OR5K1: variants seen among roughly 807,000 people sequenced by gnomAD.
OR5K1 encodes olfactory receptor family 5 subfamily K member 1.
Under a neutral mutation model 10.4 loss-of-function variants are expected in OR5K1, and 7 were observed. The observed-to-expected ratio is 0.67, with a 90% CI of 0.38 to 1.26. The LOEUF (loss-of-function observed/expected upper bound fraction) is 1.26. Among genes scored for constraint, OR5K1 ranks in the 50% most tolerant of loss-of-function variants. The pLI is 0.02. For missense variants in OR5K1, 435 were observed against 366.2 expected (o/e 1.19, Z -1.53); for synonymous variants, 135 against 128.5 (o/e 1.05, Z -0.34).
At position 98,470,635 on chromosome 3, in the gene OR5K1, C is replaced by T; in HGVS notation, c.*132C>T. The T allele has an allele frequency of 3.7e-6, 2 of 546,392 alleles. No individual in the cohort carries two copies. The highest frequency in any genetic ancestry group is 5.9e-5 in the South Asian group (2 of 34,110). The allele number at this position is 546,392 out of a possible 1,614,324, so 33.8% of individuals were successfully genotyped here. A position where few individuals can be genotyped will look rare whatever the true frequency, so the allele number is the denominator to read the frequency against. On this transcript the variant is annotated 3_prime_UTR_variant, in exon 2 of 2. Transcript: ENST00000642057. ...AAATTTTAATATATAAGAATACATT[C>T]AAATTAAGTGGCAAGAGGTAAGGGT...
At chr3:98,463,661 G>A (rs533029520) in intron 1 of OR5K1, among the ~76,000 whole-genome samples, 3 of 152,228 alleles carry the variant, frequency 2.0e-5, no homozygotes, top group African/African-American at 7.2e-5. Context: ...CAATGAAATA[G>A]AGTTTAAAAT....
chr3:98,465,981 C>T (rs1271428142), intron 1 of OR5K1, among the ~76,000 whole-genome samples: 2 of 151,626 alleles, frequency 1.3e-5, no homozygotes, highest in Non-Finnish European at 2.9e-5. Context: ...ATGTGCCATG[C>T]TGGTGCGCTG....
At chr3:98,463,841 A>G (rs868032034) in intron 1 of OR5K1, among the ~76,000 whole-genome samples, 20 of 152,218 alleles carry the variant, frequency 1.3e-4, no homozygotes, top group Non-Finnish European at 8.8e-5. Flanking sequence ...CCAATGGACA[A>G]CTGGGTGAAC....
chr3:98,469,555 T>C lies in OR5K1; in HGVS notation c.-11-11T>C. 12 of 1,585,422 alleles carry C rather than the reference T, an allele frequency of 7.6e-6. No individual in the cohort carries two copies. The highest frequency in any genetic ancestry group is 9.4e-6 in the Non-Finnish European group (11 of 1,164,324). ...AAATTAGTGCCTTCTTTCTCCACAA[T>C]TTTTTTTCAGACAAGTCAGGAATGG... On this transcript the variant is annotated splice_polypyrimidine_tract_variant and intron_variant, in intron 1 of 1. Coordinates refer to ENST00000642057, the MANE Select transcript of OR5K1 (RefSeq NM_001004736.4).
rs1705441183 is a variant in OR5K1, at chr3:98,471,065, G to A, written c.*562G>A. 1 of 152,108 alleles carries A rather than the reference G, an allele frequency of 6.6e-6. No homozygotes were observed. The allele number at this position is 152,108 out of a possible 1,614,324, so 9.4% of individuals were successfully genotyped here. A position where few individuals can be genotyped will look rare whatever the true frequency, so the allele number is the denominator to read the frequency against. On this transcript the variant is annotated 3_prime_UTR_variant, in exon 2 of 2. Coordinates refer to ENST00000642057, the MANE Select transcript of OR5K1 (RefSeq NM_001004736.4). ...GAAAGGAAGTATTAGGAAAACGAAG[G>A]TGTCAAATAATAGTGAATATCAGAT... is the stretch of plus-strand genomic sequence containing the variant.
In OR5K1 at chr3:98,465,910, T is replaced by A. The variant is rs1391919154; in HGVS notation, c.-12+2603T>A. Among the ~76,000 whole-genome samples the A allele has an allele frequency of 6.6e-5, 10 of 151,970 alleles. 1 individual carries two copies. Among genetic ancestry groups the A allele is most frequent in the East Asian group, 3.9e-4 (2 of 5,182 alleles). ...TTGTCTTTTTTTTTTAATTTTTTTT[T>A]ATTATACTTTAAGTTTTAGGGTACA... On this transcript the variant is annotated intron_variant, in intron 1 of 1. Coordinates refer to ENST00000642057, the MANE Select transcript of OR5K1 (RefSeq NM_001004736.4).
rs552450821 is a variant in OR5K1, at chr3:98,470,097, T to G, written c.521T>G (p.Ile174Ser). The G allele has an allele frequency of 6.8e-6, 11 of 1,613,562 alleles. No homozygotes were observed. The highest frequency in any genetic ancestry group is 9.3e-6 in the Non-Finnish European group (11 of 1,179,718). The change falls in exon 2 of 2, where the codon ATC becomes AGC. Residue 174 changes from isoleucine (I) to serine (S), a missense_variant. Physicochemically the swap from Ile to Ser is moderately radical, Grantham distance 142. Transcript: ENST00000642057. Reference protein sequence around the residue: ...FRLVFCGSNHINHFYCDILPL... With the variant: ...FRLVFCGSNHSNHFYCDILPL... Reference sequence around the variant, plus strand: ...TTAGTTTTCTGTGGATCGAATCACATCAACCACTTTTACTGTGATATTCTT... The same window carrying G: ...TTAGTTTTCTGTGGATCGAATCACAGCAACCACTTTTACTGTGATATTCTT...
In OR5K1 at chr3:98,472,246, C is replaced by CTG. The variant is rs1705458201; in HGVS notation, c.*1744_*1745insGT. 6.6e-6 allele frequency: 1 copy of CTG among 151,674 alleles called. No homozygotes were observed. Among genetic ancestry groups the CTG allele is most frequent in the South Asian group, 2.1e-4 (1 of 4,810 alleles). 9.4% of individuals were successfully genotyped at this position (151,674 alleles called of 1,614,324 possible). A position where few individuals can be genotyped will look rare whatever the true frequency, so the allele number is the denominator to read the frequency against. ...GGCTTTGGGTTGGCTGGCTCTCTCT[C>CTG]TCTTACTCTTCATCTGCTAATTTCT... On this transcript the variant is annotated 3_prime_UTR_variant, in exon 2 of 2. Transcript: ENST00000642057.
intron 1 of OR5K1, among the ~76,000 whole-genome samples, chr3:98,464,942 A>T (rs1017126648): frequency 6.6e-6 from 1 of 152,152 alleles, no homozygotes; most frequent in African/African-American, 2.4e-5. Context: ...TGCAGAAAAC[A>T]TTAGTTAAAT....
rs1705464058 is a variant in OR5K1 at position 98,472,679 on chromosome 3, T to TG, written c.*2176_*2177insG. On this transcript the variant is annotated 3_prime_UTR_variant, in exon 2 of 2. Coordinates refer to ENST00000642057, the MANE Select transcript of OR5K1 (RefSeq NM_001004736.4). ...TAGTCTATTCTCTCTGTCTGGAATA[T>TG]CAAAGGTATGCTCAGAAATAAAAAA... is the stretch of plus-strand genomic sequence containing the variant. 1 of 151,960 alleles carries TG rather than the reference T, an allele frequency of 6.6e-6. No individual in the cohort carries two copies. The highest frequency in any genetic ancestry group is 1.5e-5 in the Non-Finnish European group (1 of 67,952). 9.4% of individuals were successfully genotyped at this position (151,960 alleles called of 1,614,324 possible).
Position 98,470,614 on chromosome 3 carries a change from T to G in OR5K1, c.*111T>G, listed in dbSNP as rs1705436775. ...GAAATGCATAAATTATAAGTAAAAT[T>G]TTAATATATAAGAATACATTCAAAT... On this transcript the variant is annotated 3_prime_UTR_variant, in exon 2 of 2. Coordinates refer to ENST00000642057, the MANE Select transcript of OR5K1 (RefSeq NM_001004736.4). 1 of 615,086 alleles carries G rather than the reference T, an allele frequency of 1.6e-6. No homozygotes were observed. 38.1% of individuals were successfully genotyped at this position (615,086 alleles called of 1,614,324 possible). A position where few individuals can be genotyped will look rare whatever the true frequency, so the allele number is the denominator to read the frequency against.
intron 1 of OR5K1, among the ~76,000 whole-genome samples, chr3:98,464,346 G>A (rs1034328315): frequency 7.9e-5 from 12 of 152,278 alleles, no homozygotes; most frequent in Non-Finnish European, 1.8e-4. Context: ...AAACCAAAAA[G>A]GAGAGATCTT....
Position 98,470,546 on chromosome 3 carries a change from T to C in OR5K1, c.*43T>C. On this transcript the variant is annotated 3_prime_UTR_variant, in exon 2 of 2. Coordinates refer to ENST00000642057, the MANE Select transcript of OR5K1 (RefSeq NM_001004736.4). ...ACAAGTGACATCTACTATAGCTTAA[T>C]GATTTAAATGCAGCAAAAACTTCCA... is the stretch of plus-strand genomic sequence containing the variant. 1.7e-6 allele frequency: 2 copies of C among 1,191,572 alleles called. No individual in the cohort carries two copies. The highest frequency in any genetic ancestry group is 2.4e-6 in the Non-Finnish European group (2 of 841,336). The allele number at this position is 1,191,572 out of a possible 1,614,324, so 73.8% of individuals were successfully genotyped here.
At position 98,471,256 on chromosome 3, in the gene OR5K1, C is replaced by T. The variant is rs1240174096; in HGVS notation, c.*753C>T. The T allele has an allele frequency of 6.6e-6, 1 of 151,870 alleles. No homozygotes were observed. Among genetic ancestry groups the T allele is most frequent in the Non-Finnish European group, 1.5e-5 (1 of 67,942 alleles). 9.4% of individuals were successfully genotyped at this position (151,870 alleles called of 1,614,324 possible). A position where few individuals can be genotyped will look rare whatever the true frequency, so the allele number is the denominator to read the frequency against. On this transcript the variant is annotated 3_prime_UTR_variant, in exon 2 of 2. Transcript: ENST00000642057. ...CAAACCTCATGTAGGATTTGAAGAG[C>T]TTCTTTGTTAGTGAGTTAGGTGCAA...
chr3:98,470,584 CA>C lies in OR5K1; in HGVS notation c.*82del, dbSNP rs1276898891. 4.0e-6 allele frequency: 3 copies of C among 758,304 alleles called. No individual in the cohort carries two copies. The highest frequency in any genetic ancestry group is 6.3e-6 in the Non-Finnish European group (3 of 473,352). The allele number at this position is 758,304 out of a possible 1,614,324, so 47.0% of individuals were successfully genotyped here. A position where few individuals can be genotyped will look rare whatever the true frequency, so the allele number is the denominator to read the frequency against. ...GCAAAAACTTCCATGTGAAATTACACAGGGGAAATGCATAAATTATAAGTAA... is the reference window on the plus strand; with the variant it reads ...GCAAAAACTTCCATGTGAAATTACACGGGGAAATGCATAAATTATAAGTAA... On this transcript the variant is annotated 3_prime_UTR_variant, in exon 2 of 2. Coordinates refer to ENST00000642057, the MANE Select transcript of OR5K1 (RefSeq NM_001004736.4).
Position 98,470,478 on chromosome 3 carries a change from T to A in OR5K1, c.902T>A (p.Leu301Ter). 6.4e-7 allele frequency: 1 copy of A among 1,558,720 alleles called. No homozygotes were observed. ...SLRNREVISVLRKILMKK is the reference protein window; with the variant it reads ...SLRNREVISV ...AGAAATAGGGAAGTAATAAGTGTCT[T>A]AAGAAAAATTCTGATGAAGAAATAA... The change falls in exon 2 of 2, where the codon TTA becomes TAA. Residue 301 changes from leucine (L) to a stop codon, truncating the protein, a stop_gained. Coordinates refer to ENST00000642057, the MANE Select transcript of OR5K1 (RefSeq NM_001004736.4). LOFTEE classifies it high-confidence loss of function.
chr3:98,464,999 C>T (rs1359715946), intron 1 of OR5K1, among the ~76,000 whole-genome samples: 1 of 152,088 alleles, frequency 6.6e-6, no homozygotes, highest in African/African-American at 2.4e-5. Context: ...CACTGCAGAC[C>T]TAAGAGCATG....
intron 1 of OR5K1, 157 bp from the exon 2 acceptor site, chr3:98,469,409 T>C: frequency 3.1e-6 from 2 of 650,290 alleles, no homozygotes; most frequent in Non-Finnish European, 2.6e-6. Context: ...AATTCCTTTA[T>C]GGAAATTCAT....
At position 98,469,896 on chromosome 3, in the gene OR5K1, T is replaced by G; in HGVS notation, c.320T>G (p.Val107Gly). ...GTACAGTTTTATTTTCTTTGCACTG[T>G]GGAAACTGCAGACTGCTTTCTTCTG... Reference protein sequence around the residue: ...CAVQFYFLCTVETADCFLLAA... With the variant: ...CAVQFYFLCTGETADCFLLAA... Residue 107 changes from valine (V) to glycine (G), a missense_variant, in exon 2 of 2, where the codon GTG becomes GGG. Physicochemically the swap from Val to Gly is moderately radical, Grantham distance 109. Coordinates refer to ENST00000642057, the MANE Select transcript of OR5K1 (RefSeq NM_001004736.4). 1 of 1,613,758 alleles carries G rather than the reference T, an allele frequency of 6.2e-7. No individual in the cohort carries two copies. Among genetic ancestry groups the G allele is most frequent in the Non-Finnish European group, 8.5e-7 (1 of 1,179,782 alleles).
Sources: allele counts gnomAD v4.1 joint callset (sites outside exome capture counted in the v4.1 genomes callset), GRCh38; gene constraint gnomAD v4.1.1; transcripts MANE v1.5; gene names NCBI Gene and HGNC (gene_info 2026-07-23, HGNC 2026-07-21).